SV2B: variants seen among roughly 807,000 people sequenced by gnomAD.
The protein encoded by SV2B is solute carrier family 22 member B2.
SV2B carries 41 observed loss-of-function variants against 73.9 expected under a neutral mutation model. The observed-to-expected ratio is 0.56, with a 90% confidence interval of 0.43 to 0.72. The LOEUF (loss-of-function observed/expected upper bound fraction) is 0.72. Among genes scored for constraint, SV2B ranks in the 30% least tolerant of loss-of-function variants. The pLI, the probability that SV2B is intolerant of heterozygous loss-of-function variation, is 0.00. For missense variants in SV2B, 764 were observed against 857.8 expected, an observed-to-expected ratio of 0.89 and a Z score of 1.37; for synonymous variants, 314 against 314.2, an observed-to-expected ratio of 1.00 and a Z score of 0.01.
At chr15:91,219,845 C>T (rs2046159342) in intron 1 of SV2B, among the ~76,000 whole-genome samples, 1 of 152,206 alleles carries the variant, frequency 6.6e-6, no homozygotes, top group Non-Finnish European at 1.5e-5. Context: ...TATGGATTTG[C>T]ATATTCTGGA....
chr15:91,114,358 C>T (rs2042120698), intron 1 of SV2B, among the ~76,000 whole-genome samples: 1 of 152,122 alleles, frequency 6.6e-6, no homozygotes, highest in African/African-American at 2.4e-5. Flanking sequence ...AGAGTTTACA[C>T]AAGAAGATGG....
chr15:91,275,306 T>C (rs1264491452), intron 9 of SV2B, among the ~76,000 whole-genome samples: 4 of 152,204 alleles, frequency 2.6e-5, no homozygotes, highest in Non-Finnish European at 5.9e-5. Flanking sequence ...TAGTGGTGTC[T>C]TAGCGCTTAC....
intron 6 of SV2B, among the ~76,000 whole-genome samples, chr15:91,262,707 G>A (rs987297224): frequency 6.6e-6 from 1 of 152,072 alleles, no homozygotes; most frequent in Non-Finnish European, 1.5e-5. Context: ...GGGAGAACAT[G>A]TACTGCAAAC....
chr15:91,281,844 C>T lies in SV2B; in HGVS notation c.1490C>T (p.Thr497Ile). Residue 497 changes from threonine to isoleucine, a missense_variant, in exon 10 of 13, where the codon ACC becomes ATC. Coordinates refer to ENST00000394232, the MANE Select transcript of SV2B (RefSeq NM_001323032.3). The surrounding 1 kb of genome is among the most constrained non-coding windows in gnomAD (Gnocchi z 4.7). ...TTCAAAAATTGTACCATTGAATCAACCATCTTTTACAACACAGGTAGGTAA... is the reference window on the plus strand; with the variant it reads ...TTCAAAAATTGTACCATTGAATCAATCATCTTTTACAACACAGGTAGGTAA... ...TYFKNCTIES[T>I]IFYNTDLYEH... 6.2e-7 allele frequency: 1 copy of T among 1,611,688 alleles called. No homozygotes were observed.
At position 91,140,756 on chromosome 15, in the gene SV2B, CTGTT is replaced by C. The variant is rs2042974992; in HGVS notation, c.-392+40397_-392+40400del. On this transcript the variant is annotated intron_variant, in intron 1 of 12. Coordinates refer to ENST00000394232, the MANE Select transcript of SV2B (RefSeq NM_001323032.3). The surrounding 1 kb of genome is among the most constrained non-coding windows in gnomAD (Gnocchi z 4.4). ...ACCACCTTCTACCAAAGGCATGCTT[CTGTT>C]TGTCTTGAAGAAGTTTCTGGCATGG... Among the ~76,000 whole-genome samples the C allele has an allele frequency of 6.6e-6, 1 of 152,112 alleles. No homozygotes were observed. The highest frequency in any genetic ancestry group is 1.5e-5 in the Non-Finnish European group (1 of 68,022).
Position 91,266,185 on chromosome 15 carries a change from A to C in SV2B, c.1009-397A>C, listed in dbSNP as rs564865869. On this transcript the variant is annotated intron_variant, in intron 6 of 12. Coordinates refer to ENST00000394232, the MANE Select transcript of SV2B (RefSeq NM_001323032.3). The stretch of plus-strand genomic sequence containing the variant: ...AAAACAAACAAATAAAAAAAACAAA[A>C]CCCCCCACTGTTTTTAGGGTTTAAA... 1.7e-3 allele frequency among the ~76,000 whole-genome samples: 261 copies of C among 151,310 alleles called. 3 individuals carry two copies. Among genetic ancestry groups the C allele is most frequent in the South Asian group, 0.016 (76 of 4,786 alleles).
At chr15:91,169,693 C>T (rs752064348) in intron 1 of SV2B, among the ~76,000 whole-genome samples, 13 of 152,032 alleles carry the variant, frequency 8.6e-5, no homozygotes, top group South Asian at 8.3e-4. Context: ...GATCAATGAA[C>T]GAAATAATTT....
At chr15:91,169,933 G>A (rs1468748689) in intron 1 of SV2B, among the ~76,000 whole-genome samples, 1 of 152,142 alleles carries the variant, frequency 6.6e-6, no homozygotes, top group Non-Finnish European at 1.5e-5. Flanking sequence ...GCGCAAATAA[G>A]ACTGCAAAAG....
rs1205454337 is a variant in SV2B, at chr15:91,232,209, C to T, written c.451+5495C>T. Among the ~76,000 whole-genome samples the T allele has an allele frequency of 6.6e-6, 1 of 152,184 alleles. No homozygotes were observed. Among genetic ancestry groups the T allele is most frequent in the East Asian group, 1.9e-4 (1 of 5,202 alleles). On this transcript the variant is annotated intron_variant, in intron 2 of 12. Transcript: ENST00000394232. The surrounding 1 kb of genome is among the most constrained non-coding windows in gnomAD (Gnocchi z 4.7). ...CAGTGACCAAGTATTTACCTACTTA[C>T]TCATGATGGTGAAATCCACCACTGG... is the stretch of plus-strand genomic sequence containing the variant.
chr15:91,183,594 T>C lies in SV2B; in HGVS notation c.-391-42279T>C, dbSNP rs192335552. On this transcript the variant is annotated intron_variant, in intron 1 of 12. Transcript: ENST00000394232. ...CCATCATAGGTTATTTTCTTGTTTA[T>C]AAGATGTCATCTTGCCTTCCCCATA... Among the ~76,000 whole-genome samples, 1,210 of 152,362 alleles carry C rather than the reference T, an allele frequency of 7.9e-3. 14 individuals are homozygous for C. Among genetic ancestry groups the C allele is most frequent in the South Asian group, 0.013 (62 of 4,830 alleles).
intron 1 of SV2B, among the ~76,000 whole-genome samples, chr15:91,202,039 C>T (rs1388133775): frequency 6.6e-6 from 1 of 152,182 alleles, no homozygotes; most frequent in Non-Finnish European, 1.5e-5. Context: ...CGTAGTCTTT[C>T]TTCAAATATC....
At chr15:91,205,103 G>A (rs941637270) in intron 1 of SV2B, among the ~76,000 whole-genome samples, 10 of 152,274 alleles carry the variant, frequency 6.6e-5, no homozygotes, top group African/African-American at 2.4e-4. Context: ...CCTTATTTCT[G>A]CTGCTGTTTT....
intron 1 of SV2B, among the ~76,000 whole-genome samples, chr15:91,167,461 A>T (rs1284596321): frequency 6.6e-6 from 1 of 152,176 alleles, no homozygotes; most frequent in Non-Finnish European, 1.5e-5. Flanking sequence ...TTAAGAGAGA[A>T]TACATTTCTT....
rs980321001 is a variant in SV2B, at chr15:91,232,049, G to A, written c.451+5335G>A. 7.2e-5 allele frequency among the ~76,000 whole-genome samples: 11 copies of A among 152,210 alleles called. No homozygotes were observed. The highest frequency in any genetic ancestry group is 2.4e-4 in the African/African-American group (10 of 41,522). On this transcript the variant is annotated intron_variant, in intron 2 of 12. Coordinates refer to ENST00000394232, the MANE Select transcript of SV2B (RefSeq NM_001323032.3). The surrounding 1 kb of genome is among the most constrained non-coding windows in gnomAD (Gnocchi z 4.7). ...ATGCAAATTCTAGCCGAGCATCAGGGCATAATATTTGATTTATGAGCCGTG... is the reference window on the plus strand; with the variant it reads ...ATGCAAATTCTAGCCGAGCATCAGGACATAATATTTGATTTATGAGCCGTG...
intron 1 of SV2B, among the ~76,000 whole-genome samples, chr15:91,155,951 T>G (rs547647730): frequency 1.6e-4 from 25 of 152,114 alleles, no homozygotes; most frequent in African/African-American, 6.0e-4. Context: ...AACACCATAT[T>G]CTCTCTTTCC....
intron 1 of SV2B, among the ~76,000 whole-genome samples, chr15:91,166,273 G>A (rs112563534): frequency 0.024 from 3,583 of 152,240 alleles, 151 homozygotes; most frequent in African/African-American, 0.082. Context: ...CTTGTCAGAT[G>A]TCTCTGGGGA....
At chr15:91,221,074 C>T (rs1412237542) in intron 1 of SV2B, among the ~76,000 whole-genome samples, 1 of 152,012 alleles carries the variant, frequency 6.6e-6, no homozygotes, top group Non-Finnish European at 1.5e-5. Context: ...CCATGTTGCT[C>T]AGGCTGGTCT....
At chr15:91,194,515 A>G (rs1159315878) in intron 1 of SV2B, among the ~76,000 whole-genome samples, 1 of 152,168 alleles carries the variant, frequency 6.6e-6, no homozygotes, top group African/African-American at 2.4e-5. Flanking sequence ...AGAGTCTTAG[A>G]TATACGTATG....
intron 4 of SV2B, among the ~76,000 whole-genome samples, chr15:91,255,689 A>C (rs1388489433): frequency 6.6e-6 from 1 of 152,214 alleles, no homozygotes; most frequent in Non-Finnish European, 1.5e-5. Flanking sequence ...CCTGTATGAT[A>C]TCTGTGACTT....
Sources: gnomAD v4.1 joint callset for allele counts (sites outside exome capture counted in the v4.1 genomes callset) on GRCh38, gnomAD v4.1.1 for gene constraint, Gnocchi (gnomAD v3.1) non-coding constraint, MANE v1.5 for transcripts, NCBI Gene and HGNC (gene_info 2026-07-23, HGNC 2026-07-21) for gene names.